MARF1: variants seen among roughly 807,000 people sequenced by gnomAD.
MARF1 encodes limkain-b1.
Under a neutral mutation model 168.2 loss-of-function variants are expected in MARF1, and 24 were observed. The ratio of observed to expected loss-of-function variants is 0.14; its 90% CI spans 0.10 to 0.20. The LOEUF (loss-of-function observed/expected upper bound fraction) is 0.20. Ranked by LOEUF, MARF1 falls within the 10% of genes least tolerant of loss-of-function variation. The pLI is 1.00. For missense variants in MARF1, 1,744 were observed against 2,143.6 expected, an observed-to-expected ratio of 0.81 and a Z score of 3.68; for synonymous variants, 868 against 822.4, an observed-to-expected ratio of 1.06 and a Z score of -0.95.
chr16:15,620,385 A>G (rs1263212475), intron 13 of MARF1, 66 bp downstream of exon 13: 13 of 923,804 alleles, frequency 1.4e-5, no homozygotes, highest in Non-Finnish European at 2.0e-5. Flanking sequence ...AGTCATTACC[A>G]TGGTTTTGTG....
At chr16:15,608,573 C>T in intron 20 of MARF1, 55 bp from the exon 21 acceptor site, 2 of 1,299,874 alleles carry the variant, frequency 1.5e-6, no homozygotes, top group Non-Finnish European at 2.2e-6. Context: ...CGGGTGTTTA[C>T]AGAATAGCAA....
At chr16:15,608,213 A>C (rs2033182155) in intron 21 of MARF1, 78 bp downstream of exon 21, 2 of 927,408 alleles carry the variant, frequency 2.2e-6, no homozygotes, top group Non-Finnish European at 3.3e-6. Flanking sequence ...CAGCACACGC[A>C]AACGTCCTAA....
rs2032507236 is a variant in MARF1 at position 15,602,190 on chromosome 16, T to C, written c.4427A>G (p.Asp1476Gly). 2 of 1,614,036 alleles carry C rather than the reference T, an allele frequency of 1.2e-6. No individual in the cohort carries two copies. Among genetic ancestry groups the C allele is most frequent in the South Asian group, 1.1e-5 (1 of 91,078 alleles). ...LPYLVEVFTN[D>G]KMEECVKLTS... ...GAGCTTCACACATTCTTCCATCTTA[T>C]CATTAGTGAAAACCTGGTTAAAAAG... Residue 1476 changes from aspartate (D) to glycine (G), a missense_variant, in exon 23 of 27, where the codon GAT becomes GGT. Coordinates refer to ENST00000396368, the MANE Select transcript of MARF1 (RefSeq NM_014647.4).
At chr16:15,602,450 G>A (rs752522639) in intron 22 of MARF1, 3 of 599,766 alleles carry the variant, frequency 5.0e-6, no homozygotes, top group East Asian at 3.0e-5. Flanking sequence ...CAAAAACGAA[G>A]ATAAAGACGA....
At chr16:15,613,233 A>G (rs2033728969) in intron 16 of MARF1, among the ~76,000 whole-genome samples, 1 of 152,208 alleles carries the variant, frequency 6.6e-6, no homozygotes, top group South Asian at 2.1e-4. Flanking sequence ...AAAACCACAG[A>G]AAGTGATAAT....
chr16:15,642,359 G>A (rs1415478723), intron 1 of MARF1: 4 of 152,036 alleles, frequency 2.6e-5, no homozygotes, highest in Non-Finnish European at 4.4e-5. Flanking sequence ...TACAATGCCT[G>A]GCATATTTTA....
rs2034789951 is a variant in MARF1 at position 15,625,597 on chromosome 16, A to G, written c.1728T>C (p.Asn576=). 1.9e-6 allele frequency: 3 copies of G among 1,614,168 alleles called. No homozygotes were observed. Among genetic ancestry groups the G allele is most frequent in the Admixed American group, 1.7e-5 (1 of 60,026 alleles). The stretch of plus-strand genomic sequence containing the variant: ...TTGGAGTAAATGACACAATGATCCT[A>G]TTACCAAAGACATCTTCGTTTTCCA... ...KRMENEDVFG[N]RIIVSFTPKN... The change falls in exon 8 of 27, where the codon AAT becomes AAC. Residue 576 remains asparagine (N), a synonymous_variant. Coordinates refer to ENST00000396368, the MANE Select transcript of MARF1 (RefSeq NM_014647.4).
Position 15,623,012 on chromosome 16 carries a change from T to C in MARF1, c.2382A>G (p.Gln794=), listed in dbSNP as rs201323040. 1,109 of 1,609,128 alleles carry C rather than the reference T, an allele frequency of 6.9e-4. 1 individual carries two copies. Among genetic ancestry groups the C allele is most frequent in the Non-Finnish European group, 8.7e-4 (1,021 of 1,175,922 alleles). Residue 794 remains glutamine, a synonymous_variant, in exon 11 of 27, where the codon CAA becomes CAG. Transcript: ENST00000396368. ...ATAATCTGTAGTCTATGTTGCTGAC[T>C]TGGACATCAGCACCATTTGCAAATG... ...PDPFANGADV[Q]VSNIDYRLSR... is the part of the protein sequence containing the mutation.
chr16:15,627,379 C>T (rs778306310), intron 7 of MARF1, among the ~76,000 whole-genome samples: 2 of 151,778 alleles, frequency 1.3e-5, no homozygotes, highest in Admixed American at 1.3e-4. Context: ...CAGCACTTTG[C>T]GAGGCCAAAG....
chr16:15,614,231 C>T (rs1356600768), intron 16 of MARF1, among the ~76,000 whole-genome samples: 3 of 151,876 alleles, frequency 2.0e-5, no homozygotes, highest in Non-Finnish European at 4.4e-5. Flanking sequence ...GTCTGTAATC[C>T]CAGCATTTTG....
At chr16:15,637,216 A>G (rs1358347776) in intron 2 of MARF1, among the ~76,000 whole-genome samples, 2 of 152,182 alleles carry the variant, frequency 1.3e-5, no homozygotes, top group African/African-American at 2.4e-5. Context: ...AAGATAGAGC[A>G]CATAGACCAC....
chr16:15,641,845 C>T (rs1409679206), intron 1 of MARF1, among the ~76,000 whole-genome samples: 6 of 152,166 alleles, frequency 3.9e-5, no homozygotes, highest in African/African-American at 1.4e-4. Context: ...GGTGCCTGCA[C>T]CCTGAAAACT....
intron 13 of MARF1, among the ~76,000 whole-genome samples, chr16:15,617,931 T>G (rs939869681): frequency 6.6e-6 from 1 of 151,994 alleles, no homozygotes; most frequent in Non-Finnish European, 1.5e-5. Flanking sequence ...CTCTCAACTC[T>G]CCTATGCCTC....
chr16:15,596,781 T>C lies in MARF1; in HGVS notation c.5141A>G (p.Asp1714Gly). The change falls in exon 27 of 27, where the codon GAC becomes GGC. Residue 1714 changes from aspartate to glycine, a missense_variant. Around this residue, in one of 7 missense-constraint regions of MARF1, gnomAD observed 313 missense variants for 337.4 expected, o/e 0.93. Coordinates refer to ENST00000396368, the MANE Select transcript of MARF1 (RefSeq NM_014647.4). ...SETSESLLSK[D>G]PVESPAKKQP... ...CTTTTTGGCCGGGCTTTCCACGGGG[T>C]CCTTGCTGAGCAGTGACTCGGAGGT... is the stretch of plus-strand genomic sequence containing the variant. 1.2e-6 allele frequency: 2 copies of C among 1,613,618 alleles called. No individual in the cohort carries two copies. The highest frequency in any genetic ancestry group is 2.2e-5 in the South Asian group (2 of 91,044).
At chr16:15,636,389 G>C in intron 2 of MARF1, 47 bp from the exon 3 acceptor site, 1 of 1,433,802 alleles carries the variant, frequency 7.0e-7, no homozygotes, top group Non-Finnish European at 9.4e-7. Context: ...GAGGTCCGTG[G>C]TTTTTTGGTT....
At chr16:15,611,557 A>G in intron 18 of MARF1, 35 bp downstream of exon 18, 1 of 1,594,510 alleles carries the variant, frequency 6.3e-7, no homozygotes, top group Non-Finnish European at 8.6e-7. Context: ...GTCCTAAAAT[A>G]TTTACTTTCA....
chr16:15,606,964 C>A (rs188543393), intron 21 of MARF1, among the ~76,000 whole-genome samples: 1 of 152,250 alleles, frequency 6.6e-6, no homozygotes, highest in East Asian at 1.9e-4. Context: ...CACTCCTCAC[C>A]ACACTCCAAG....
chr16:15,615,238 G>A (rs1404636895), intron 16 of MARF1, among the ~76,000 whole-genome samples: 1 of 152,028 alleles, frequency 6.6e-6, no homozygotes, highest in African/African-American at 2.4e-5. Flanking sequence ...GCTCATGCCT[G>A]TAATCCCAGC....
Position 15,596,410 on chromosome 16 carries a change from T to C in MARF1, c.*283A>G, listed in dbSNP as rs930355521. On this transcript the variant is annotated 3_prime_UTR_variant, in exon 27 of 27. Coordinates refer to ENST00000396368, the MANE Select transcript of MARF1 (RefSeq NM_014647.4). ...TCTTTTGGAACACCATTGTATTTCA[T>C]AATAGTTACTAAAAATTTGGTAAAA... 3.9e-6 allele frequency: 1 copy of C among 255,820 alleles called. No homozygotes were observed. The highest frequency in any genetic ancestry group is 7.3e-6 in the Non-Finnish European group (1 of 136,524). 15.8% of individuals were successfully genotyped at this position (255,820 alleles called of 1,614,324 possible). A position where few individuals can be genotyped will look rare whatever the true frequency, so the allele number is the denominator to read the frequency against.
Sources: allele counts gnomAD v4.1 joint callset (sites outside exome capture counted in the v4.1 genomes callset), GRCh38; gene constraint gnomAD v4.1.1; regional missense constraint gnomAD v4.1.1; transcripts MANE v1.5; gene names NCBI Gene and HGNC (gene_info 2026-07-23, HGNC 2026-07-21).